PCDHB7: variants seen among roughly 807,000 people sequenced by gnomAD.
PCDHB7 encodes the protein protocadherin beta 7.
For missense variants in PCDHB7, 1,148 were observed against 1,011.6 expected (o/e 1.13, Z -1.83); for synonymous variants, 542 against 463.1 (o/e 1.17, Z -2.19).
chr5:141,173,502 T>C lies in PCDHB7; in HGVS notation c.667T>C (p.Ser223Pro), dbSNP rs1554280012. 1.2e-6 allele frequency: 2 copies of C among 1,614,000 alleles called. No individual in the cohort carries two copies. Among genetic ancestry groups the C allele is most frequent in the South Asian group, 1.1e-5 (1 of 91,064 alleles). ...TALDGGSPPR[S>P]GTALVRILVL... ...TTTAGACGGCGGCTCTCCTCCAAGA[T>C]CAGGGACCGCCCTCGTGCGCATTCT... The change falls in exon 1 of 1, where the codon TCA (serine) becomes CCA (proline). Residue 223 changes from serine (S) to proline (P), a missense_variant. By Grantham distance (74) the Ser-to-Pro change is moderately conservative. Coordinates refer to ENST00000231137, the MANE Select transcript of PCDHB7 (RefSeq NM_018940.4).
chr5:141,175,008 G>A lies in PCDHB7; in HGVS notation c.2173G>A (p.Val725Met). ...GGCGGCCCCGGTGGGTCGCTGCTCG[G>A]TGCCTGAGGGCCCCTTTCCACGACA... ...SRAAPVGRCS[V>M]PEGPFPRHLV... The change falls in exon 1 of 1, where the codon GTG (valine) becomes ATG (methionine). Residue 725 changes from valine (V) to methionine (M), a missense_variant. Physicochemically the swap from Val to Met is conservative, Grantham distance 21. Coordinates refer to ENST00000231137, the MANE Select transcript of PCDHB7 (RefSeq NM_018940.4). The A allele has an allele frequency of 5.6e-6, 9 of 1,613,986 alleles. No individual in the cohort carries two copies. Among genetic ancestry groups the A allele is most frequent in the South Asian group, 2.2e-5 (2 of 91,072 alleles).
chr5:141,174,310 C>G lies in PCDHB7; in HGVS notation c.1475C>G (p.Pro492Arg), dbSNP rs374570987. ...GCCCAGGTCATCTACTCCCTGCTGC[C>G]GTCCCAGGACCCGCACCTGCCCCTC... is the stretch of plus-strand genomic sequence containing the variant. The part of the protein sequence containing the change: ...TNAQVIYSLL[P>R]SQDPHLPLAS... Residue 492 changes from proline to arginine, a missense_variant, in exon 1 of 1, where the codon CCG (proline) becomes CGG (arginine). By Grantham distance (103) the Pro-to-Arg change is moderately radical. Transcript: ENST00000231137. 1.2e-6 allele frequency: 2 copies of G among 1,612,512 alleles called. No homozygotes were observed. Among genetic ancestry groups the G allele is most frequent in the Non-Finnish European group, 8.5e-7 (1 of 1,179,638 alleles).
Position 141,175,275 on chromosome 5 carries a change from CGAGGTT to C in PCDHB7, c.*59_*64del. 2.7e-6 allele frequency: 4 copies of C among 1,488,944 alleles called. No homozygotes were observed. In the South Asian group the frequency reaches 3.9e-5, roughly 15 times the overall value. The allele number at this position is 1,488,944 out of a possible 1,614,324, so 92.2% of individuals were successfully genotyped here. On this transcript the variant is annotated 3_prime_UTR_variant, in exon 1 of 1. Coordinates refer to ENST00000231137, the MANE Select transcript of PCDHB7 (RefSeq NM_018940.4). Reference sequence around the variant, plus strand: ...TACGTTTCTGATTAGGAACTTATTGCGAGGTTCCCTTAAGGGAGTGTCTTTACATCA... The same window carrying C: ...TACGTTTCTGATTAGGAACTTATTGCCCCTTAAGGGAGTGTCTTTACATCA...
In PCDHB7 at chr5:141,173,882, G is replaced by C; in HGVS notation, c.1047G>C (p.Leu349=). 1 of 1,613,428 alleles carries C rather than the reference G, an allele frequency of 6.2e-7. No homozygotes were observed. Among genetic ancestry groups the C allele is most frequent in the Non-Finnish European group, 8.5e-7 (1 of 1,179,508 alleles). Residue 349 remains leucine (L), a synonymous_variant, in exon 1 of 1, where the codon CTG becomes CTC. Transcript: ENST00000231137. ...ACGATAATCGACCCGAGCTGCTCCT[G>C]TCTTCACTTACTAGCCCAATTGCAG... ...DINDNRPELL[L]SSLTSPIAEN...
chr5:141,172,968 C>A lies in PCDHB7; in HGVS notation c.133C>A (p.Leu45Ile). Residue 45 changes from leucine (L) to isoleucine (I), a missense_variant, in exon 1 of 1, where the codon CTT (leucine) becomes ATT (isoleucine). Leu to Ile is a conservative substitution (Grantham distance 5, BLOSUM62 2). Coordinates refer to ENST00000231137, the MANE Select transcript of PCDHB7 (RefSeq NM_018940.4). ...GGAGGAAACCGAGAGAGGCACCTTT[C>A]TTACCAACTTGGCAAAAGACCTAGG... ...VAEETERGTF[L>I]TNLAKDLGLG... 1 of 1,614,204 alleles carries A rather than the reference C, an allele frequency of 6.2e-7. No individual in the cohort carries two copies. Among genetic ancestry groups the A allele is most frequent in the Non-Finnish European group, 8.5e-7 (1 of 1,180,024 alleles).
At position 141,173,056 on chromosome 5, in the gene PCDHB7, T is replaced by A; in HGVS notation, c.221T>A (p.Ile74Asn). Residue 74 changes from isoleucine (I) to asparagine (N), a missense_variant, in exon 1 of 1, where the codon ATT becomes AAT. Transcript: ENST00000231137. ...ATTGTTTCAGACCAGAACATGCAAA[T>A]TTTACTGCTCAGTTCGCTTACTGGT... ...TRIVSDQNMQILLLSSLTGDL... is the reference protein window; with the variant it reads ...TRIVSDQNMQNLLLSSLTGDL... 1 of 1,614,138 alleles carries A rather than the reference T, an allele frequency of 6.2e-7. No individual in the cohort carries two copies. The highest frequency in any genetic ancestry group is 8.5e-7 in the Non-Finnish European group (1 of 1,180,008).
In PCDHB7 at chr5:141,173,810, C is replaced by A. The variant is rs377301268; in HGVS notation, c.975C>A (p.Gly325=). The A allele has an allele frequency of 1.2e-6, 2 of 1,614,182 alleles. No homozygotes were observed. The highest frequency in any genetic ancestry group is 1.7e-6 in the Non-Finnish European group (2 of 1,180,038). ...TAACTATTCAGGCCAAAGACGGCGG[C>A]GGGCTTTCTGGAAAATGCACTGTAG... ...YTLTIQAKDG[G]GLSGKCTVVV... The change falls in exon 1 of 1, where the codon GGC becomes GGA. Residue 325 remains glycine (G), a synonymous_variant. Transcript: ENST00000231137.
chr5:141,175,400 TG>T lies in PCDHB7; in HGVS notation c.*184del. On this transcript the variant is annotated 3_prime_UTR_variant, in exon 1 of 1. Coordinates refer to ENST00000231137, the MANE Select transcript of PCDHB7 (RefSeq NM_018940.4). Reference sequence around the variant, plus strand: ...CAAGAACCCTTCACAAAGCATGAAATGTATATGTGTAATGTTTTATGTCAAA... The same window carrying T: ...CAAGAACCCTTCACAAAGCATGAAATTATATGTGTAATGTTTTATGTCAAA... 2 of 722,764 alleles carry T rather than the reference TG, an allele frequency of 2.8e-6. No individual in the cohort carries two copies. The highest frequency in any genetic ancestry group is 4.4e-6 in the Non-Finnish European group (2 of 449,644). 44.8% of individuals were successfully genotyped at this position (722,764 alleles called of 1,614,324 possible).
rs998043878 is a variant in PCDHB7 at position 141,172,849 on chromosome 5, T to A, written c.14T>A (p.Val5Glu). ...ATCCAAAGAAGAATGGAGGCCAGAG[T>A]GGAGCGTGCTGTGCAGAAAAGGCAA... MEAR[V>E]ERAVQKRQVL... The change falls in exon 1 of 1, where the codon GTG (valine) becomes GAG (glutamate). Residue 5 changes from valine to glutamate, a missense_variant. Coordinates refer to ENST00000231137, the MANE Select transcript of PCDHB7 (RefSeq NM_018940.4). 2.5e-6 allele frequency: 4 copies of A among 1,611,412 alleles called. No homozygotes were observed. In the Admixed American group the frequency reaches 6.7e-5, roughly 27 times the overall value.
In PCDHB7 at chr5:141,175,227, T is replaced by A. The variant is rs6892507; in HGVS notation, c.*10T>A. ...TAATTTGGGTTTCTGATAAAGAATG[T>A]AAACTAAATCCGCGTCTGTGAATAC... On this transcript the variant is annotated 3_prime_UTR_variant, in exon 1 of 1. Coordinates refer to ENST00000231137, the MANE Select transcript of PCDHB7 (RefSeq NM_018940.4). 603,093 of 1,484,726 alleles carry A rather than the reference T, an allele frequency of 0.41. 137,180 individuals carry two copies. Among genetic ancestry groups the A allele is most frequent in the East Asian group, 0.59 (24,944 of 42,508 alleles). The allele number at this position is 1,484,726 out of a possible 1,614,324, so 92.0% of individuals were successfully genotyped here.
rs1191780281 is a variant in PCDHB7 at position 141,173,603 on chromosome 5, C to T, written c.768C>T (p.Pro256=). Residue 256 remains proline (P), a synonymous_variant, in exon 1 of 1, where the codon CCC becomes CCT. Coordinates refer to ENST00000231137, the MANE Select transcript of PCDHB7 (RefSeq NM_018940.4). ...LYKVQVPENS[P]VGSMVVSVSA... Reference sequence around the variant, plus strand: ...AGGTGCAGGTGCCCGAAAATAGCCCCGTTGGTTCCATGGTTGTCTCCGTGT... The same window carrying T: ...AGGTGCAGGTGCCCGAAAATAGCCCTGTTGGTTCCATGGTTGTCTCCGTGT... The T allele has an allele frequency of 1.2e-6, 2 of 1,614,020 alleles. No homozygotes were observed. Among genetic ancestry groups the T allele is most frequent in the Non-Finnish European group, 1.7e-6 (2 of 1,180,036 alleles).
At position 141,173,695 on chromosome 5, in the gene PCDHB7, G is replaced by T. The variant is rs941111628; in HGVS notation, c.860G>T (p.Arg287Ile). The change falls in exon 1 of 1, where the codon AGA becomes ATA. Residue 287 changes from arginine to isoleucine, a missense_variant. Coordinates refer to ENST00000231137, the MANE Select transcript of PCDHB7 (RefSeq NM_018940.4). ...IAYAFSYATE[R>I]ILKTFQINPT... ...TATGCATTTTCTTACGCCACTGAAA[G>T]AATTCTCAAAACGTTTCAAATCAAT... 1 of 1,614,148 alleles carries T rather than the reference G, an allele frequency of 6.2e-7. No individual in the cohort carries two copies. The highest frequency in any genetic ancestry group is 2.2e-5 in the East Asian group (1 of 44,880).
At position 141,173,016 on chromosome 5, in the gene PCDHB7, G is replaced by C. The variant is rs201068716; in HGVS notation, c.181G>C (p.Ala61Pro). 2.7e-5 allele frequency: 44 copies of C among 1,614,076 alleles called. No homozygotes were observed. The highest frequency in any genetic ancestry group is 3.6e-5 in the Non-Finnish European group (43 of 1,180,050). ...DLGLGVGELR[A>P]RGTRIVSDQN... ...AGGGTTAGGGGTAGGGGAACTGAGAGCCCGGGGAACTAGAATTGTTTCAGA... is the reference window on the plus strand; with the variant it reads ...AGGGTTAGGGGTAGGGGAACTGAGACCCCGGGGAACTAGAATTGTTTCAGA... Residue 61 changes from alanine to proline, a missense_variant, in exon 1 of 1, where the codon GCC becomes CCC. Physicochemically the swap from Ala to Pro is conservative, Grantham distance 27. Transcript: ENST00000231137.
Position 141,173,865 on chromosome 5 carries a change from C to T in PCDHB7, c.1030C>T (p.Arg344Ter), listed in dbSNP as rs566132808. The change falls in exon 1 of 1, where the codon CGA (arginine) becomes TGA (stop). Residue 344 changes from arginine to a stop codon, truncating the protein, a stop_gained. Coordinates refer to ENST00000231137, the MANE Select transcript of PCDHB7 (RefSeq NM_018940.4). LOFTEE classifies it low-confidence loss of function (END_TRUNC). ...VVDVTDINDN[R>*]PELLLSSLTS... ...TGATGTAACAGATATAAACGATAAT[C>T]GACCCGAGCTGCTCCTGTCTTCACT... The T allele has an allele frequency of 6.2e-7, 1 of 1,613,852 alleles. No homozygotes were observed. Among genetic ancestry groups the T allele is most frequent in the Admixed American group, 1.7e-5 (1 of 60,000 alleles).
At position 141,173,069 on chromosome 5, in the gene PCDHB7, T is replaced by C. The variant is rs942388996; in HGVS notation, c.234T>C (p.Ser78=). ...AGAACATGCAAATTTTACTGCTCAG[T>C]TCGCTTACTGGTGATCTACTTCTAA... The part of the protein sequence containing the change: ...SDQNMQILLL[S]SLTGDLLLNE... Residue 78 remains serine, a synonymous_variant, in exon 1 of 1, where the codon AGT becomes AGC. Coordinates refer to ENST00000231137, the MANE Select transcript of PCDHB7 (RefSeq NM_018940.4). 1.9e-6 allele frequency: 3 copies of C among 1,614,186 alleles called. No homozygotes were observed. Among genetic ancestry groups the C allele is most frequent in the Non-Finnish European group, 2.5e-6 (3 of 1,180,034 alleles).
rs782410105 is a variant in PCDHB7, at chr5:141,174,524, C to T, written c.1689C>T (p.Tyr563=). 23 of 1,610,532 alleles carry T rather than the reference C, an allele frequency of 1.4e-5. No individual in the cohort carries two copies. The Admixed American group carries it at 1.5e-4, about 11-fold the overall frequency. ...ACGACAACTCGCCCTTCGTGCTGTA[C>T]CCGCTGCAGAACAGCTCCGCGCCCT... is the stretch of plus-strand genomic sequence containing the variant. ...DANDNSPFVL[Y]PLQNSSAPCT... The change falls in exon 1 of 1, where the codon TAC becomes TAT. Residue 563 remains tyrosine, a synonymous_variant. Transcript: ENST00000231137.
Position 141,174,889 on chromosome 5 carries a change from C to T in PCDHB7, c.2054C>T (p.Thr685Ile), listed in dbSNP as rs17844475. 1.5e-4 allele frequency: 242 copies of T among 1,611,166 alleles called. 2 individuals carry two copies. In the East Asian group the frequency reaches 5.3e-3, roughly 35 times the overall value. ...EAAPDQANSL[T>I]VYLVVALASV... is the part of the protein sequence containing the mutation. Reference sequence around the variant, plus strand: ...GCCCCGGACCAGGCCAACTCGCTCACCGTCTACCTGGTGGTGGCGTTGGCC... The same window carrying T: ...GCCCCGGACCAGGCCAACTCGCTCATCGTCTACCTGGTGGTGGCGTTGGCC... The change falls in exon 1 of 1, where the codon ACC (threonine) becomes ATC (isoleucine). Residue 685 changes from threonine (T) to isoleucine (I), a missense_variant. By Grantham distance (89) the Thr-to-Ile change is moderately conservative. Transcript: ENST00000231137.
chr5:141,174,969 T>C lies in PCDHB7; in HGVS notation c.2134T>C (p.Cys712Arg), dbSNP rs142123060. The change falls in exon 1 of 1, where the codon TGC (cysteine) becomes CGC (arginine). Residue 712 changes from cysteine to arginine, a missense_variant. Cys to Arg is a radical substitution (Grantham distance 180, BLOSUM62 -3). Transcript: ENST00000231137. ...GCTCCTGTTCGTGGCGGTGCGGCTGTGCAGGAGGAGCAGGGCGGCCCCGGT... is the reference window on the plus strand; with the variant it reads ...GCTCCTGTTCGTGGCGGTGCGGCTGCGCAGGAGGAGCAGGGCGGCCCCGGT... ...SVLLFVAVRLCRRSRAAPVGR... is the reference protein window; with the variant it reads ...SVLLFVAVRLRRRSRAAPVGR... 2 of 1,611,078 alleles carry C rather than the reference T, an allele frequency of 1.2e-6. No homozygotes were observed. Among genetic ancestry groups the C allele is most frequent in the Non-Finnish European group, 1.7e-6 (2 of 1,177,972 alleles).
rs1346015313 is a variant in PCDHB7 at position 141,173,336 on chromosome 5, G to A, written c.501G>A (p.Leu167=). Reference sequence around the variant, plus strand: ...ATTCAGATGTTGGAACCAACAGCCTGAGTAACTACACCATCAGCCCCAATG... The same window carrying A: ...ATTCAGATGTTGGAACCAACAGCCTAAGTAACTACACCATCAGCCCCAATG... ...AQDSDVGTNS[L]SNYTISPNAY... Residue 167 remains leucine (L), a synonymous_variant, in exon 1 of 1, where the codon CTG becomes CTA. Transcript: ENST00000231137. The A allele has an allele frequency of 1.2e-6, 2 of 1,613,936 alleles. No homozygotes were observed. The highest frequency in any genetic ancestry group is 1.3e-5 in the African/African-American group (1 of 75,034).
Sources: allele counts gnomAD v4.1 joint callset, GRCh38; gene constraint gnomAD v4.1.1; transcripts MANE v1.5; gene names NCBI Gene and HGNC (gene_info 2026-07-23, HGNC 2026-07-21).